The following RNF126 variants were observed in gnomAD, a reference collection of about 807,000 sequenced individuals.
RNF126 encodes the protein ring finger protein 126.
RNF126 carries 20 observed loss-of-function variants against 41.9 expected under a neutral mutation model. That is an observed-to-expected ratio of 0.48 (90% CI 0.34 to 0.69). The LOEUF (loss-of-function observed/expected upper bound fraction) is 0.69. Among genes scored for constraint, RNF126 ranks in the 30% least tolerant of loss-of-function variants. The pLI, the probability that RNF126 is intolerant of heterozygous loss-of-function variation, is 0.01. For missense variants in RNF126, 433 were observed against 460.6 expected (o/e 0.94, Z 0.55); for synonymous variants, 239 against 202.9 (o/e 1.18, Z -1.51).
rs755840048 is a variant in RNF126 at position 651,664 on chromosome 19, G to A, written c.390C>T (p.Arg130=). Residue 130 remains arginine, a synonymous_variant, in exon 4 of 9, where the codon CGC becomes CGT. Coordinates refer to ENST00000292363, the MANE Select transcript of RNF126 (RefSeq NM_194460.3). ...GGCCGGTGGCCCGCCGCGTGGTGAG[G>A]CGGGCGCGGGGCTGTCGGGCGCCGT... is the stretch of plus-strand genomic sequence containing the variant. ...HRYGARQPRA[R]LTTRRATGRH... 7.1e-6 allele frequency: 11 copies of A among 1,555,724 alleles called. No homozygotes were observed. The highest frequency in any genetic ancestry group is 8.7e-6 in the Non-Finnish European group (10 of 1,150,482).
chr19:648,970 GA>G lies in RNF126; in HGVS notation c.581del (p.Leu194ProfsTer30). On this transcript the variant is annotated frameshift_variant, in exon 7 of 9. Coordinates refer to ENST00000292363, the MANE Select transcript of RNF126 (RefSeq NM_194460.3). LOFTEE classifies it high-confidence loss of function. ...GGGGGCCTGTGTTTTCAAACTGATT[GA>G]GGAGCTGAAAGACAAGAGGCGAGAG... ...NGLDAIITQL[L>X]NQFENTGPPP... The G allele has an allele frequency of 7.1e-7, 1 of 1,399,828 alleles. No individual in the cohort carries two copies. Among genetic ancestry groups the G allele is most frequent in the Non-Finnish European group, 9.3e-7 (1 of 1,073,878 alleles). The allele number at this position is 1,399,828 out of a possible 1,614,324, so 86.7% of individuals were successfully genotyped here.
chr19:648,364 G>GGGGGGGGGGGGGGGGGGGGGGGGGGCC lies in RNF126; in HGVS notation c.786+7_786+8insGGCCCCCCCCCCCCCCCCCCCCCCCCC. The GGGGGGGGGGGGGGGGGGGGGGGGGGCC allele has an allele frequency of 2.0e-6, 1 of 510,482 alleles. No individual in the cohort carries two copies. Among genetic ancestry groups the GGGGGGGGGGGGGGGGGGGGGGGGGGCC allele is most frequent in the Non-Finnish European group, 3.6e-6 (1 of 278,352 alleles). The allele number at this position is 510,482 out of a possible 1,614,324, so 31.6% of individuals were successfully genotyped here. On this transcript the variant is annotated splice_region_variant and intron_variant, in intron 8 of 8. Coordinates refer to ENST00000292363, the MANE Select transcript of RNF126 (RefSeq NM_194460.3). The stretch of plus-strand genomic sequence containing the variant: ...CGGGGTGGGGGGGCGGGTGGGCGGG[G>GGGGGGGGGGGGGGGGGGGGGGGGGGCC]CACTCACCTGCTCCAGCCAGGGCAC...
intron 1 of RNF126, among the ~76,000 whole-genome samples, chr19:661,782 A>G (rs2030813854): frequency 6.6e-6 from 1 of 152,162 alleles, no homozygotes; most frequent in South Asian, 2.1e-4. Context: ...GCGGCTACGT[A>G]CACAGCACAG....
chr19:649,223 G>C (rs1466363736), intron 6 of RNF126: 1 of 258,442 alleles, frequency 3.9e-6, no homozygotes, highest in South Asian at 1.5e-4. Flanking sequence ...AGCGGAATGG[G>C]GGGGGGGGCC....
rs998324289 is a variant in RNF126, at chr19:659,153, G to A, written c.75+3894C>T. Reference sequence around the variant, plus strand: ...GGCAGGGGCAGGCTGTCACTGTCACGGTATCTGGCACAACCGCAGACACAC... The same window carrying A: ...GGCAGGGGCAGGCTGTCACTGTCACAGTATCTGGCACAACCGCAGACACAC... On this transcript the variant is annotated intron_variant, in intron 1 of 8. Transcript: ENST00000292363. This position sits in a 1 kb window ranked among gnomAD's most constrained non-coding sequence, Gnocchi z 4.9. 2.6e-5 allele frequency among the ~76,000 whole-genome samples: 4 copies of A among 152,136 alleles called. No individual in the cohort carries two copies. The highest frequency in any genetic ancestry group is 2.1e-4 in the South Asian group (1 of 4,830).
Position 647,811 on chromosome 19 carries a change from G to A in RNF126, c.*317C>T. 4.5e-6 allele frequency: 2 copies of A among 442,878 alleles called. No homozygotes were observed. The highest frequency in any genetic ancestry group is 8.5e-6 in the Non-Finnish European group (2 of 235,742). 27.4% of individuals were successfully genotyped at this position (442,878 alleles called of 1,614,324 possible). ...CACAAACCATGCATGGCCGCCACGT[G>A]AGCTCAAACGTCCGTTTATTTCAAA... is the stretch of plus-strand genomic sequence containing the variant. On this transcript the variant is annotated 3_prime_UTR_variant, in exon 9 of 9. Coordinates refer to ENST00000292363, the MANE Select transcript of RNF126 (RefSeq NM_194460.3).
At chr19:653,161 G>A (rs115586719) in intron 1 of RNF126, among the ~76,000 whole-genome samples, 1 of 150,014 alleles carries the variant, frequency 6.7e-6, no homozygotes, top group African/African-American at 2.5e-5. Context: ...CGCCTTGGCT[G>A]AGCCCCTCCG....
intron 1 of RNF126, among the ~76,000 whole-genome samples, chr19:657,118 G>GC (rs747576239): frequency 1.2e-3 from 183 of 152,326 alleles, no homozygotes; most frequent in Middle Eastern, 0.01. Flanking sequence ...CATCTCTCCT[G>GC]CTGGGTGCAT....
At chr19:658,020 A>G (rs1048161738) in intron 1 of RNF126, among the ~76,000 whole-genome samples, 14 of 151,906 alleles carry the variant, frequency 9.2e-5, no homozygotes, top group African/African-American at 3.4e-4. Context: ...GGCAGCACGC[A>G]CTGGGGGCCC....
rs764968399 is a variant in RNF126, at chr19:651,807, C to T, written c.247G>A (p.Ala83Thr). The change falls in exon 4 of 9, where the codon GCT (alanine) becomes ACT (threonine). Residue 83 changes from alanine (A) to threonine (T), a missense_variant. Ala to Thr is a moderately conservative substitution (Grantham distance 58, BLOSUM62 0). Around this residue, in one of 5 missense-constraint regions of RNF126, gnomAD observed 247 missense variants for 224.7 expected, o/e 1.10. Coordinates refer to ENST00000292363, the MANE Select transcript of RNF126 (RefSeq NM_194460.3). Reference protein sequence around the residue: ...FTLPQGYGQFAFGIFDDSFEI... With the variant: ...FTLPQGYGQFTFGIFDDSFEI... Reference sequence around the variant, plus strand: ...AAGCTGTCATCGAAGATGCCGAAAGCAAACTGTCCGTAGCCCTGCGGCAGC... The same window carrying T: ...AAGCTGTCATCGAAGATGCCGAAAGTAAACTGTCCGTAGCCCTGCGGCAGC... 14 of 1,612,636 alleles carry T rather than the reference C, an allele frequency of 8.7e-6. No individual in the cohort carries two copies. The highest frequency in any genetic ancestry group is 2.2e-5 in the East Asian group (1 of 44,878).
In RNF126 at chr19:652,820, C is replaced by A. The variant is rs201060989; in HGVS notation, c.134+6G>T. 836 of 1,612,478 alleles carry A rather than the reference C, an allele frequency of 5.2e-4. 1 individual carries two copies. The highest frequency in any genetic ancestry group is 1.1e-3 in the Admixed American group (67 of 59,892). ...TTCCAGCCTCTTCAACAGGGGGCTG[C>A]ATTACCTGGTCTCTTCCGGAAGCTC... On this transcript the variant is annotated splice_donor_region_variant and intron_variant, in intron 2 of 8. Transcript: ENST00000292363.
At chr19:651,485 G>A (rs754161981) in intron 4 of RNF126, 126 bp downstream of exon 4, 55 of 975,250 alleles carry the variant, frequency 5.6e-5, no homozygotes, top group South Asian at 1.0e-4. Flanking sequence ...GGGCCTGGCC[G>A]GGCGGCCTCT....
intron 1 of RNF126, 41 bp downstream of exon 1, chr19:663,006 G>T: frequency 8.6e-7 from 1 of 1,164,476 alleles, no homozygotes; most frequent in South Asian, 2.1e-5. Context: ...TCAGGCCTGC[G>T]GCGCAGACCC....
intron 1 of RNF126, among the ~76,000 whole-genome samples, chr19:656,844 T>C (rs1364019121): frequency 6.6e-6 from 1 of 152,134 alleles, no homozygotes; most frequent in East Asian, 1.9e-4. Context: ...CACAGTCAAA[T>C]CTGAACCCCT....
chr19:648,195 A>C lies in RNF126; in HGVS notation c.869T>G (p.Phe290Cys), dbSNP rs2030060202. The change falls in exon 9 of 9, where the codon TTC becomes TGC. Residue 290 changes from phenylalanine (F) to cysteine (C), a missense_variant. By Grantham distance (205) the Phe-to-Cys change is radical. Transcript: ENST00000292363. ...TNPPGLTGVS[F>C]SSSSSSSSSS... is the part of the protein sequence containing the mutation. Reference sequence around the variant, plus strand: ...GGAGGACGATGACGACGAGGAGGAGAAGCTCACCCCAGTGAGGCCAGGGGG... The same window carrying C: ...GGAGGACGATGACGACGAGGAGGAGCAGCTCACCCCAGTGAGGCCAGGGGG... 3 of 1,607,078 alleles carry C rather than the reference A, an allele frequency of 1.9e-6. No homozygotes were observed. Among genetic ancestry groups the C allele is most frequent in the Non-Finnish European group, 2.6e-6 (3 of 1,176,366 alleles).
intron 4 of RNF126, 168 bp from the exon 5 acceptor site, chr19:650,464 C>T (rs1233969864): frequency 2.0e-5 from 12 of 589,284 alleles, no homozygotes; most frequent in Non-Finnish European, 3.5e-5. Context: ...AATGCCGAGG[C>T]AGGAGAGAAG....
intron 3 of RNF126, 169 bp from the exon 4 acceptor site, chr19:652,024 T>G (rs2030326800): frequency 1.4e-6 from 1 of 697,886 alleles, no homozygotes; most frequent in Non-Finnish European, 2.3e-6. Context: ...CCCGCTGGTG[T>G]GAGATGCCTC....
intron 1 of RNF126, among the ~76,000 whole-genome samples, chr19:656,232 C>A (rs2030558314): frequency 6.6e-6 from 1 of 152,042 alleles, no homozygotes; most frequent in Admixed American, 6.6e-5. Flanking sequence ...CGCCTGTGGT[C>A]CCAGCTGCTA....
chr19:651,876 T>G, intron 3 of RNF126, 21 bp from the exon 4 acceptor site: 1 of 1,594,512 alleles, frequency 6.3e-7, no homozygotes, highest in Non-Finnish European at 8.5e-7. Context: ...GAGGGGGGCG[T>G]GACCTCGGGG....
Sources: allele counts gnomAD v4.1 joint callset (sites outside exome capture counted in the v4.1 genomes callset), GRCh38; gene constraint gnomAD v4.1.1; regional missense constraint gnomAD v4.1.1; non-coding constraint Gnocchi (gnomAD v3.1); transcripts MANE v1.5; gene names NCBI Gene and HGNC (gene_info 2026-07-23, HGNC 2026-07-21).